Variants in SLC29A2 observed in about 807,000 individuals in gnomAD.
SLC29A2 encodes the protein solute carrier family 29 member 2, also known as equilibrative nucleoside transporter 2.
Under a neutral mutation model 48.8 loss-of-function variants are expected in SLC29A2, and 37 were observed. That is an observed-to-expected ratio of 0.76 (90% CI 0.58 to 1.00). The LOEUF is 1.00. SLC29A2 is among the 50% of genes least tolerant of loss of function. The pLI is 0.00. For missense variants in SLC29A2, 533 were observed against 578.6 expected, an observed-to-expected ratio of 0.92 and a Z score of 0.81; for synonymous variants, 233 against 261.7, an observed-to-expected ratio of 0.89 and a Z score of 1.06.
intron 2 of SLC29A2, 145 bp downstream of exon 2, chr11:66,371,099 C>T: frequency 1.4e-6 from 1 of 726,990 alleles, no homozygotes; most frequent in South Asian, 1.6e-5. Context: ...GGGAAGCATT[C>T]CCCTCTCCGA....
At chr11:66,367,681 T>A in intron 6 of SLC29A2, 91 bp downstream of exon 6, 1 of 1,490,888 alleles carries the variant, frequency 6.7e-7, no homozygotes, top group Non-Finnish European at 9.4e-7. Flanking sequence ...CCAGGTCTCC[T>A]CCACCTCCCC....
At chr11:66,371,179 C>G in intron 2 of SLC29A2, 65 bp downstream of exon 2, 3 of 1,469,742 alleles carry the variant, frequency 2.0e-6, no homozygotes, top group Non-Finnish European at 2.9e-6. Context: ...TAAGCTTCAT[C>G]CAAAGGGCTG....
rs777116351 is a variant in SLC29A2, at chr11:66,366,249, G to A, written c.868-18C>T. 1.2e-6 allele frequency: 2 copies of A among 1,610,946 alleles called. No homozygotes were observed. Among genetic ancestry groups the A allele is most frequent in the African/African-American group, 1.3e-5 (1 of 74,874 alleles). On this transcript the variant is annotated intron_variant, in intron 8 of 11. Coordinates refer to ENST00000357440, the MANE Select transcript of SLC29A2 (RefSeq NM_001532.3). ...AGCCAGATCTGGGAGCCAGAGGCAGGGGTGTGAGCAGGCAGGGCAGTCCCA... is the reference window on the plus strand; with the variant it reads ...AGCCAGATCTGGGAGCCAGAGGCAGAGGTGTGAGCAGGCAGGGCAGTCCCA...
chr11:66,366,347 C>T, intron 8 of SLC29A2, 84 bp downstream of exon 8: 1 of 1,608,634 alleles, frequency 6.2e-7, no homozygotes, highest in Non-Finnish European at 8.5e-7. Flanking sequence ...TGTCCCTGAC[C>T]CACTGTGACC....
chr11:66,367,943 C>A, intron 5 of SLC29A2, 74 bp from the exon 6 acceptor site: 1 of 1,165,720 alleles, frequency 8.6e-7, no homozygotes, highest in Non-Finnish European at 1.3e-6. Context: ...AACTCTTGTC[C>A]CACTTCCCAT....
rs1855655872 is a variant in SLC29A2 at position 66,365,863 on chromosome 11, C to T, written c.1059+73G>A. The T allele has an allele frequency of 2.1e-6, 3 of 1,402,562 alleles. No homozygotes were observed. In the African/African-American group the frequency reaches 4.3e-5, roughly 20 times the overall value. 86.9% of individuals were successfully genotyped at this position (1,402,562 alleles called of 1,614,324 possible). ...CATTTGGACTACCAGAAAATCACCT[C>T]CATGCTCTTTCAAGCCCTCGGATCC... is the stretch of plus-strand genomic sequence containing the variant. On this transcript the variant is annotated intron_variant, in intron 10 of 11. Coordinates refer to ENST00000357440, the MANE Select transcript of SLC29A2 (RefSeq NM_001532.3).
At chr11:66,367,972 A>G (rs1590657432) in intron 5 of SLC29A2, 103 bp from the exon 6 acceptor site, 22 of 856,044 alleles carry the variant, frequency 2.6e-5, no homozygotes, top group Non-Finnish European at 3.9e-6. Context: ...TCTCAGACCC[A>G]CTCCCAGCCT....
At chr11:66,371,515 G>T in intron 1 of SLC29A2, 48 bp downstream of exon 1, 1 of 1,546,844 alleles carries the variant, frequency 6.5e-7, no homozygotes, top group Non-Finnish European at 8.7e-7. Flanking sequence ...TTCAGGGAGC[G>T]GGTCTGCAAC....
At chr11:66,365,786 C>T (rs1855651556) in intron 10 of SLC29A2, 150 bp downstream of exon 10, 1 of 774,396 alleles carries the variant, frequency 1.3e-6, no homozygotes, top group South Asian at 1.4e-5. Context: ...GCCTGCACGC[C>T]TCCAGGGCCC....
chr11:66,364,515 T>C, intron 10 of SLC29A2, 91 bp from the exon 11 acceptor site: 3 of 1,006,732 alleles, frequency 3.0e-6, no homozygotes, highest in South Asian at 1.5e-5. Flanking sequence ...TTTTTTTTTT[T>C]TTTTTTTAGA....
At chr11:66,368,814 G>A in intron 4 of SLC29A2, 143 bp from the exon 5 acceptor site, 1 of 1,189,338 alleles carries the variant, frequency 8.4e-7, no homozygotes, top group Non-Finnish European at 1.2e-6. Flanking sequence ...GCACTCGGGG[G>A]CAACACCCGC....
In SLC29A2 at chr11:66,369,188, G is replaced by A. The variant is rs142862977; in HGVS notation, c.287C>T (p.Thr96Met). The change falls in exon 4 of 12, where the codon ACG (threonine) becomes ATG (methionine). Residue 96 changes from threonine (T) to methionine (M), a missense_variant. Physicochemically the swap from Thr to Met is moderately conservative, Grantham distance 81. Transcript: ENST00000357440. ...NSFLYQCVPE[T>M]VRILGSLLAI... ...CAGCAGGCTGCCCAGAATGCGCACCGTCTCCGGGACGCTGCTCAGAAGCAG... is the reference window on the plus strand; with the variant it reads ...CAGCAGGCTGCCCAGAATGCGCACCATCTCCGGGACGCTGCTCAGAAGCAG... 49 of 1,575,436 alleles carry A rather than the reference G, an allele frequency of 3.1e-5. No individual in the cohort carries two copies. The highest frequency in any genetic ancestry group is 1.6e-4 in the African/African-American group (12 of 73,942).
Position 66,368,560 on chromosome 11 carries a change from A to G in SLC29A2, c.527T>C (p.Leu176Pro), listed in dbSNP as rs1304486897. 1.7e-5 allele frequency: 28 copies of G among 1,613,342 alleles called. No individual in the cohort carries two copies. Among genetic ancestry groups the G allele is most frequent in the Non-Finnish European group, 2.4e-5 (28 of 1,179,910 alleles). The stretch of plus-strand genomic sequence containing the variant: ...ACTGGCCATGGACAGGAGCATGGCA[A>G]GGGCAGCAAAGATCCCAGCCAGGCC... ...GQGLAGIFAA[L>P]AMLLSMASGV... is the part of the protein sequence containing the mutation. Residue 176 changes from leucine (L) to proline (P), a missense_variant, in exon 5 of 12, where the codon CTT becomes CCT. Physicochemically the swap from Leu to Pro is moderately conservative, Grantham distance 98. Transcript: ENST00000357440.
intron 7 of SLC29A2, among the ~76,000 whole-genome samples, 156 bp from the exon 8 acceptor site, chr11:66,366,720 C>T (rs552873401): frequency 1.1e-4 from 17 of 152,238 alleles, no homozygotes; most frequent in Admixed American, 2.0e-4. Context: ...AAGGCCGAGG[C>T]GGGCATATTG....
intron 11 of SLC29A2, 54 bp downstream of exon 11, chr11:66,364,171 G>T: frequency 6.9e-7 from 1 of 1,439,210 alleles, no homozygotes; most frequent in Non-Finnish European, 9.6e-7. Flanking sequence ...CCTTCCCAAA[G>T]ACTGAACCCA....
intron 6 of SLC29A2, 36 bp from the exon 7 acceptor site, chr11:66,367,584 C>T (rs1393608306): frequency 6.2e-7 from 1 of 1,607,934 alleles, no homozygotes; most frequent in Non-Finnish European, 8.5e-7. Context: ...GCCTGCCTGG[C>T]TTGCCTGAGG....
chr11:66,363,864 C>A, intron 11 of SLC29A2: 1 of 509,264 alleles, frequency 2.0e-6, no homozygotes, highest in Non-Finnish European at 3.6e-6. Flanking sequence ...GGAAATAGCC[C>A]ATGACCTTGT....
upstream of SLC29A2, chr11:66,372,019 C>G (rs534979238): frequency 4.9e-5 from 11 of 223,830 alleles, no homozygotes; most frequent in South Asian, 3.7e-4. Context: ...CCTCCACCCC[C>G]CGCCGAGAGC....
chr11:66,368,649 G>T lies in SLC29A2; in HGVS notation c.438C>A (p.Gly146=). Residue 146 remains glycine, a synonymous_variant, in exon 5 of 12, where the codon GGC becomes GGA. Transcript: ENST00000357440. ...TGGTGCCCAGCTGCCCGAAGAGGCTGCCCTGTAGGACTGCACTGAAGGCTG... is the reference window on the plus strand; with the variant it reads ...TGGTGCCCAGCTGCCCGAAGAGGCTTCCCTGTAGGACTGCACTGAAGGCTG... The part of the protein sequence containing the change: ...FINSFSAVLQ[G]SLFGQLGTMP... 6.2e-7 allele frequency: 1 copy of T among 1,601,278 alleles called. No individual in the cohort carries two copies. Among genetic ancestry groups the T allele is most frequent in the South Asian group, 1.1e-5 (1 of 88,796 alleles).
Sources: gnomAD v4.1 joint callset for allele counts (sites outside exome capture counted in the v4.1 genomes callset) on GRCh38, gnomAD v4.1.1 for gene constraint, MANE v1.5 for transcripts, NCBI Gene and HGNC (gene_info 2026-07-23, HGNC 2026-07-21) for gene names.